Variants in ADAM18 observed in about 807,000 individuals in gnomAD.
ADAM18 encodes the protein ADAM metallopeptidase domain 18.
Under a neutral mutation model 94.4 loss-of-function variants are expected in ADAM18, and 117 were observed. That is an observed-to-expected ratio of 1.24 (90% CI 1.07 to 1.45). The LOEUF (loss-of-function observed/expected upper bound fraction) is 1.45, where lower values mean the gene tolerates loss of function less well. Ranked by LOEUF, ADAM18 falls within the 40% of genes most tolerant of loss-of-function variation. The pLI is 0.00. For missense variants in ADAM18, 936 were observed against 880.0 expected, an observed-to-expected ratio of 1.06 and a Z score of -0.81; for synonymous variants, 327 against 291.6, an observed-to-expected ratio of 1.12 and a Z score of -1.24.
At chr8:39,618,251 CA>C (rs1010248268) in intron 6 of ADAM18, among the ~76,000 whole-genome samples, 2 of 152,094 alleles carry the variant, frequency 1.3e-5, no homozygotes, top group African/African-American at 4.8e-5. Flanking sequence ...AAACTGGGTC[CA>C]GGGGGGTCAC....
chr8:39,652,755 T>G (rs1258608285), intron 12 of ADAM18, among the ~76,000 whole-genome samples: 1 of 152,214 alleles, frequency 6.6e-6, no homozygotes, highest in African/African-American at 2.4e-5. Flanking sequence ...TTCAGCCTTG[T>G]GTACAATAGC....
chr8:39,590,597 T>A (rs893600075), intron 2 of ADAM18, among the ~76,000 whole-genome samples: 3 of 152,068 alleles, frequency 2.0e-5, no homozygotes, highest in Admixed American at 2.0e-4. Flanking sequence ...AAAAATAAAA[T>A]AAAATAAAAA....
intron 7 of ADAM18, among the ~76,000 whole-genome samples, chr8:39,630,257 C>T (rs983851955): frequency 6.6e-6 from 1 of 151,378 alleles, no homozygotes; most frequent in Non-Finnish European, 1.5e-5. Context: ...TTACTAAATG[C>T]AAAACACAGA....
chr8:39,668,143 A>G lies in ADAM18; in HGVS notation c.1472A>G (p.Tyr491Cys), dbSNP rs144559947. 3.1e-6 allele frequency: 5 copies of G among 1,614,096 alleles called. No homozygotes were observed. The highest frequency in any genetic ancestry group is 1.3e-5 in the African/African-American group (1 of 75,024). ...TGCAAGTTGGGAACTGCCTATTGCT[A>G]TAACGGACAATGTCAAACTACTGAT... ...RLCKLGTAYC[Y>C]NGQCQTTDNQ... The change falls in exon 14 of 20, where the codon TAT (tyrosine) becomes TGT (cysteine). Residue 491 changes from tyrosine (Y) to cysteine (C), a missense_variant. By Grantham distance (194) the Tyr-to-Cys change is radical (BLOSUM62 -2). Coordinates refer to ENST00000265707, the MANE Select transcript of ADAM18 (RefSeq NM_014237.3).
chr8:39,606,060 AT>A (rs1313901034), intron 2 of ADAM18, among the ~76,000 whole-genome samples: 1 of 152,160 alleles, frequency 6.6e-6, no homozygotes, highest in Non-Finnish European at 1.5e-5. Context: ...GCTGAGTAGT[AT>A]TCCATCATGT....
intron 15 of ADAM18, among the ~76,000 whole-genome samples, chr8:39,679,827 T>C (rs975307302): frequency 6.6e-6 from 1 of 152,200 alleles, no homozygotes; most frequent in Non-Finnish European, 1.5e-5. Flanking sequence ...TGAAGTCGTG[T>C]CTTCACGCTG....
chr8:39,593,544 A>C (rs904357333), intron 2 of ADAM18, among the ~76,000 whole-genome samples: 3 of 152,182 alleles, frequency 2.0e-5, no homozygotes, highest in African/African-American at 4.8e-5. Flanking sequence ...AAAAAAAATC[A>C]GACATGTAGA....
rs1468312491 is a variant in ADAM18 at position 39,648,394 on chromosome 8, G to A, written c.1097G>A (p.Arg366Lys). ...AGCAACTGCAGCATGCACGACTATA[G>A]ATATTTTGTTTCAAAATTTGAGACT... ...IFSNCSMHDY[R>K]YFVSKFETKC... Residue 366 changes from arginine (R) to lysine (K), a missense_variant, in exon 12 of 20, where the codon AGA (arginine) becomes AAA (lysine). Coordinates refer to ENST00000265707, the MANE Select transcript of ADAM18 (RefSeq NM_014237.3). 1 of 1,612,896 alleles carries A rather than the reference G, an allele frequency of 6.2e-7. No individual in the cohort carries two copies. The highest frequency in any genetic ancestry group is 1.7e-5 in the Admixed American group (1 of 59,848).
chr8:39,600,590 T>C (rs992257105), intron 2 of ADAM18, among the ~76,000 whole-genome samples: 1 of 152,260 alleles, frequency 6.6e-6, no homozygotes, highest in African/African-American at 2.4e-5. Flanking sequence ...TAATTTTCTG[T>C]CACTAATGCT....
chr8:39,706,559 A>G (rs1054160201), intron 17 of ADAM18, among the ~76,000 whole-genome samples: 1 of 152,160 alleles, frequency 6.6e-6, no homozygotes, highest in East Asian at 1.9e-4. Flanking sequence ...TTAATGCTCA[A>G]TGTATAGAGG....
In ADAM18 at chr8:39,729,936, A is replaced by G; in HGVS notation, c.2216A>G (p.His739Arg). The G allele has an allele frequency of 1.2e-6, 2 of 1,613,066 alleles. No homozygotes were observed. The highest frequency in any genetic ancestry group is 2.2e-5 in the East Asian group (1 of 44,876). The change falls in exon 20 of 20, where the codon CAT becomes CGT. Residue 739 changes from histidine to arginine, a missense_variant. His to Arg is a conservative substitution (Grantham distance 29, BLOSUM62 0). Transcript: ENST00000265707. ...GTATCAGAAAGCGATGACGTGGGAC[A>G]TTAATATTGCACAGAACTTCCATAG... ...SVVSESDDVG[H>R]
chr8:39,697,061 A>G (rs1314572606), intron 17 of ADAM18, among the ~76,000 whole-genome samples: 3 of 151,520 alleles, frequency 2.0e-5, no homozygotes, highest in African/African-American at 7.2e-5. Context: ...TTTTGAGTGT[A>G]TATGTCTTGT....
intron 14 of ADAM18, among the ~76,000 whole-genome samples, chr8:39,668,426 G>C (rs540921023): frequency 3.9e-5 from 6 of 152,030 alleles, no homozygotes; most frequent in African/African-American, 1.2e-4. Context: ...TTAGCTAGCT[G>C]GGCAAAAATC....
At chr8:39,712,750 G>T (rs10958561) in intron 18 of ADAM18, among the ~76,000 whole-genome samples, 135,023 of 152,174 alleles carry the variant, frequency 0.89, 59,994 homozygotes, top group Admixed American at 0.93. Context: ...AAGGGCATCT[G>T]CAAGAAGAAC....
intron 7 of ADAM18, among the ~76,000 whole-genome samples, chr8:39,635,070 AG>A (rs951050758): frequency 6.6e-6 from 1 of 152,222 alleles, no homozygotes; most frequent in Non-Finnish European, 1.5e-5. Flanking sequence ...CCCTTATAAA[AG>A]CACTGTGTAG....
chr8:39,643,837 C>T (rs1820304487), intron 10 of ADAM18, among the ~76,000 whole-genome samples: 1 of 150,792 alleles, frequency 6.6e-6, no homozygotes. Flanking sequence ...GACCATATTT[C>T]CCTCTCTGAT....
intron 2 of ADAM18, among the ~76,000 whole-genome samples, chr8:39,591,905 C>A (rs544033093): frequency 1.2e-4 from 19 of 152,290 alleles, no homozygotes; most frequent in African/African-American, 4.3e-4. Flanking sequence ...GCAGAATGGA[C>A]GCTGTGTTCG....
chr8:39,670,962 C>T (rs1821137910), intron 14 of ADAM18, among the ~76,000 whole-genome samples: 1 of 152,208 alleles, frequency 6.6e-6, no homozygotes. Flanking sequence ...GTTATTTATA[C>T]CACACAGCTA....
intron 15 of ADAM18, among the ~76,000 whole-genome samples, chr8:39,677,944 A>T (rs1821343246): frequency 6.6e-6 from 1 of 152,348 alleles, no homozygotes; most frequent in East Asian, 1.9e-4. Flanking sequence ...TGTCCAAAAC[A>T]TCAATATGTA....
Sources: gnomAD v4.1 joint callset for allele counts (sites outside exome capture counted in the v4.1 genomes callset) on GRCh38, gnomAD v4.1.1 for gene constraint, MANE v1.5 for transcripts, NCBI Gene and HGNC (gene_info 2026-07-23, HGNC 2026-07-21) for gene names.